Variants in UNC79 observed in about 807,000 individuals in gnomAD.
UNC79 encodes the protein protein unc-79 homolog.
A neutral mutation model predicts 283.1 loss-of-function variants in UNC79; 37 were observed. The observed-to-expected ratio is 0.13, with a 90% CI of 0.10 to 0.17. UNC79 has a LOEUF of 0.17. Ranked by LOEUF, UNC79 falls within the 10% of genes least tolerant of loss-of-function variation. The probability of loss-of-function intolerance (pLI) is 1.00; values close to 1 mark genes in which losing one functional copy is unlikely to be tolerated. For missense variants in UNC79, 2,272 were observed against 3,211.1 expected (o/e 0.71, Z 7.07); for synonymous variants, 1,107 against 1,200.2 (o/e 0.92, Z 1.61).
intron 16 of UNC79, among the ~76,000 whole-genome samples, chr14:93,574,455 C>T (rs1294333197): frequency 6.6e-6 from 1 of 152,156 alleles, no homozygotes; most frequent in African/African-American, 2.4e-5. Flanking sequence ...GTCCTTTCTG[C>T]GTACTTCCTT....
chr14:93,416,274 A>G (rs1474497558), intron 1 of UNC79, among the ~76,000 whole-genome samples: 1 of 145,796 alleles, frequency 6.9e-6, no homozygotes, highest in Non-Finnish European at 1.5e-5. Context: ...TCATTTCGTT[A>G]TGTACCCAGT....
chr14:93,647,251 A>T (rs760307338), intron 35 of UNC79, among the ~76,000 whole-genome samples: 16 of 152,210 alleles, frequency 1.1e-4, no homozygotes, highest in Non-Finnish European at 2.1e-4. Context: ...CAAAACATCA[A>T]ATCCTGGCTC....
intron 1 of UNC79, among the ~76,000 whole-genome samples, chr14:93,391,304 TATCTC>T (rs1351871000): frequency 6.6e-6 from 1 of 152,218 alleles, no homozygotes; most frequent in African/African-American, 2.4e-5. Context: ...ACTTGACTTT[TATCTC>T]ATATCACAGC....
intron 1 of UNC79, among the ~76,000 whole-genome samples, chr14:93,400,397 C>T (rs1396160940): frequency 6.6e-6 from 1 of 150,620 alleles, no homozygotes; most frequent in Non-Finnish European, 1.5e-5. Context: ...TGTAGTTGAC[C>T]CCCATCCCCG....
chr14:93,657,642 C>T lies in UNC79; in HGVS notation c.6457-1551C>T, dbSNP rs142773092. Among the ~76,000 whole-genome samples, 694 of 152,168 alleles carry T rather than the reference C, an allele frequency of 4.6e-3. 6 individuals carry two copies. Among genetic ancestry groups the T allele is most frequent in the African/African-American group, 0.016 (672 of 41,516 alleles). On this transcript the variant is annotated intron_variant, in intron 38 of 48. Coordinates refer to ENST00000555664, the Ensembl canonical transcript of UNC79. The stretch of plus-strand genomic sequence containing the variant: ...CTGGGATTACAGGCGTGAGCCAAAG[C>T]GCCCGGCTGAGGTATGGCAAATTTA...
At chr14:93,364,896 G>A (rs1180149090) in intron 1 of UNC79, among the ~76,000 whole-genome samples, 1 of 151,900 alleles carries the variant, frequency 6.6e-6, no homozygotes, top group Non-Finnish European at 1.5e-5. Flanking sequence ...ACCAGAATCA[G>A]GTCACAGTAA....
At chr14:93,382,615 G>T (rs1349843256) in intron 1 of UNC79, among the ~76,000 whole-genome samples, 6 of 151,910 alleles carry the variant, frequency 3.9e-5, no homozygotes, top group Non-Finnish European at 8.8e-5. Flanking sequence ...TACCTTCTTG[G>T]TGCCCAGCAC....
chr14:93,494,152 C>T (rs965972412), intron 5 of UNC79, among the ~76,000 whole-genome samples: 4 of 151,776 alleles, frequency 2.6e-5, no homozygotes, highest in Non-Finnish European at 5.9e-5. Context: ...AGTTTTGATC[C>T]ACCCGCCTCG....
chr14:93,534,860 A>G (rs992048899), intron 11 of UNC79, among the ~76,000 whole-genome samples: 1 of 152,204 alleles, frequency 6.6e-6, no homozygotes, highest in African/African-American at 2.4e-5. Context: ...TCAAATTAGC[A>G]CATTTTTATT....
At chr14:93,684,856 G>GTTTTGAATA (rs1484502871) in intron 42 of UNC79, among the ~76,000 whole-genome samples, 3 of 152,152 alleles carry the variant, frequency 2.0e-5, no homozygotes, top group African/African-American at 7.2e-5. Context: ...GTGAGTTTGA[G>GTTTTGAATA]TTTTGAATAT....
intron 7 of UNC79, among the ~76,000 whole-genome samples, chr14:93,508,563 G>A (rs1269883871): frequency 6.6e-6 from 1 of 151,902 alleles, no homozygotes; most frequent in Non-Finnish European, 1.5e-5. Flanking sequence ...TTCTCTCAGT[G>A]GTGCTCTGTA....
At chr14:93,602,561 C>T (rs544102402) in intron 25 of UNC79, among the ~76,000 whole-genome samples, 4 of 152,196 alleles carry the variant, frequency 2.6e-5, no homozygotes, top group East Asian at 1.9e-4. Flanking sequence ...ATTCTTTTTG[C>T]TTAGTCTTGC....
chr14:93,392,695 T>G (rs190830309), intron 1 of UNC79, among the ~76,000 whole-genome samples: 1 of 152,322 alleles, frequency 6.6e-6, no homozygotes. Context: ...AGTTCCTTAA[T>G]CGGCATCTTC....
intron 1 of UNC79, chr14:93,437,287 A>G (rs1449933434): frequency 6.6e-6 from 1 of 152,132 alleles, no homozygotes; most frequent in Non-Finnish European, 1.5e-5. Flanking sequence ...GCACTTTGGT[A>G]TATATTGGCT....
At chr14:93,513,446 T>C (rs1049866246) in intron 7 of UNC79, among the ~76,000 whole-genome samples, 4 of 152,220 alleles carry the variant, frequency 2.6e-5, no homozygotes, top group South Asian at 4.1e-4. Flanking sequence ...CTCAAAATCC[T>C]GGGTTCAAGT....
intron 14 of UNC79, among the ~76,000 whole-genome samples, chr14:93,557,660 C>CT (rs2141374862): frequency 6.6e-6 from 1 of 151,950 alleles, no homozygotes; most frequent in African/African-American, 2.4e-5. Flanking sequence ...AGAGAGTACC[C>CT]CCATATGGTC....
chr14:93,486,521 G>A (rs1370620374), intron 4 of UNC79, among the ~76,000 whole-genome samples: 3 of 152,016 alleles, frequency 2.0e-5, no homozygotes, highest in African/African-American at 4.8e-5. Flanking sequence ...GGGTGTGGGG[G>A]CAGGCGCCTG....
intron 1 of UNC79, among the ~76,000 whole-genome samples, chr14:93,400,538 C>A (rs984046330): frequency 6.6e-6 from 1 of 152,054 alleles, no homozygotes; most frequent in African/African-American, 2.4e-5. Flanking sequence ...GAGAAGAATT[C>A]ATGGATAAAG....
At chr14:93,358,623 G>A (rs777997907) in intron 1 of UNC79, among the ~76,000 whole-genome samples, 7 of 152,180 alleles carry the variant, frequency 4.6e-5, no homozygotes, top group Non-Finnish European at 7.4e-5. Flanking sequence ...TGGGAGGACC[G>A]TGATGAAACT....
Sources: allele counts gnomAD v4.1 joint callset (sites outside exome capture counted in the v4.1 genomes callset), GRCh38; gene constraint gnomAD v4.1.1; transcripts MANE v1.5; gene names NCBI Gene and HGNC (gene_info 2026-07-23, HGNC 2026-07-21).